PRKAR1B: variants seen among roughly 807,000 people sequenced by gnomAD.
The protein encoded by PRKAR1B is cAMP-dependent protein kinase type I-beta regulatory subunit.
Under a neutral mutation model 46.5 loss-of-function variants are expected in PRKAR1B, and 22 were observed. That is an observed-to-expected ratio of 0.47 (90% confidence interval 0.34 to 0.68). The LOEUF (loss-of-function observed/expected upper bound fraction) is 0.68, where lower values mean the gene tolerates loss of function less well. Among genes scored for constraint, PRKAR1B ranks in the 30% least tolerant of loss-of-function variants. The pLI is 0.01. For missense variants in PRKAR1B, 445 were observed against 535.6 expected, an observed-to-expected ratio of 0.83 and a Z score of 1.67; for synonymous variants, 259 against 217.7, an observed-to-expected ratio of 1.19 and a Z score of -1.67.
At chr7:614,848 G>A (rs1244619329) in intron 4 of PRKAR1B, among the ~76,000 whole-genome samples, 1 of 151,598 alleles carries the variant, frequency 6.6e-6, no homozygotes, top group Non-Finnish European at 1.5e-5. Flanking sequence ...GGAGGCGGAG[G>A]TTACCATGAG....
intron 8 of PRKAR1B, among the ~76,000 whole-genome samples, chr7:580,575 C>G (rs183922322): frequency 7.4e-4 from 113 of 152,156 alleles, no homozygotes; most frequent in African/African-American, 2.6e-3. Context: ...CTTCCCATGC[C>G]AAGTTTATCT....
intron 4 of PRKAR1B, among the ~76,000 whole-genome samples, chr7:622,253 G>A (rs1783146304): frequency 6.6e-6 from 1 of 152,210 alleles, no homozygotes; most frequent in Non-Finnish European, 1.5e-5. Context: ...TCAGACCCGA[G>A]CACCAGGTGC....
At position 656,964 on chromosome 7, in the gene PRKAR1B, AATGCATGGATGG is replaced by A. The variant is rs1394178788; in HGVS notation, c.440+20253_440+20264del. ...GAACGAATGAATGGATGCATGAGTG[AATGCATGGATGG>A]ACGGACGGATGGATGAATGGATGGA... On this transcript the variant is annotated intron_variant, in intron 4 of 10. Transcript: ENST00000537384. Among the ~76,000 whole-genome samples the A allele has an allele frequency of 3.5e-3, 533 of 152,020 alleles. 1 individual carries two copies. Among genetic ancestry groups the A allele is most frequent in the South Asian group, 0.017 (83 of 4,814 alleles).
At chr7:573,734 G>C (rs912062800) in intron 9 of PRKAR1B, among the ~76,000 whole-genome samples, 14 of 152,248 alleles carry the variant, frequency 9.2e-5, no homozygotes, top group African/African-American at 2.9e-4. Flanking sequence ...CAGAGGGTCA[G>C]AAAGCGGAAA....
chr7:551,854 C>T (rs1487140367), intron 9 of PRKAR1B, among the ~76,000 whole-genome samples: 16 of 136,036 alleles, frequency 1.2e-4, no homozygotes, highest in Non-Finnish European at 2.2e-4. Context: ...GCCACTGCCA[C>T]CACCATGTAA....
chr7:680,979 C>A (rs367560419), intron 2 of PRKAR1B, among the ~76,000 whole-genome samples: 1 of 150,336 alleles, frequency 6.7e-6, no homozygotes, highest in Non-Finnish European at 1.5e-5. Context: ...AATTGTAATC[C>A]CCATCATCCC....
At chr7:704,455 T>C (rs886441305) in intron 2 of PRKAR1B, among the ~76,000 whole-genome samples, 75 of 112,966 alleles carry the variant, frequency 6.6e-4, no homozygotes, top group African/African-American at 2.3e-3. Flanking sequence ...TGTAACAACT[T>C]AAATGAAACG....
At chr7:553,934 C>A (rs899033491) in intron 9 of PRKAR1B, among the ~76,000 whole-genome samples, 1 of 152,250 alleles carries the variant, frequency 6.6e-6, no homozygotes, top group Non-Finnish European at 1.5e-5. Context: ...ACAGACCGGG[C>A]GGCTGAGTGC....
At chr7:583,414 C>T (rs546546008) in intron 8 of PRKAR1B, among the ~76,000 whole-genome samples, 1 of 143,202 alleles carries the variant, frequency 7.0e-6, no homozygotes, top group Admixed American at 7.1e-5. Context: ...GTGTGCACAC[C>T]CACGCACACA....
At chr7:625,803 C>T (rs542185728) in intron 4 of PRKAR1B, among the ~76,000 whole-genome samples, 3 of 152,216 alleles carry the variant, frequency 2.0e-5, no homozygotes, top group African/African-American at 4.8e-5. Flanking sequence ...GTCAGGAGTT[C>T]GAGCCCAACC....
chr7:690,995 G>A (rs1406567646), intron 2 of PRKAR1B, among the ~76,000 whole-genome samples: 5 of 151,794 alleles, frequency 3.3e-5, no homozygotes, highest in African/African-American at 4.8e-5. Context: ...AATCCTACCC[G>A]AAGGGTCCCG....
intron 3 of PRKAR1B, 96 bp downstream of exon 3, chr7:680,460 G>A: frequency 4.1e-6 from 5 of 1,231,214 alleles, no homozygotes; most frequent in Middle Eastern, 5.6e-4. Flanking sequence ...AGACCCCCAG[G>A]AGGATGAGGG....
chr7:699,926 G>A (rs1157198178), intron 2 of PRKAR1B, among the ~76,000 whole-genome samples: 7 of 152,192 alleles, frequency 4.6e-5, no homozygotes, highest in South Asian at 2.1e-4. Flanking sequence ...CTCGAGGCCC[G>A]ATGGGAAGCA....
chr7:647,503 T>C (rs1784676771), intron 4 of PRKAR1B, among the ~76,000 whole-genome samples: 3 of 151,804 alleles, frequency 2.0e-5, no homozygotes, highest in African/African-American at 7.3e-5. Flanking sequence ...TCCAAAGAGT[T>C]TTCTTAAAAC....
intron 4 of PRKAR1B, among the ~76,000 whole-genome samples, chr7:670,734 C>T (rs1205027241): frequency 1.3e-5 from 2 of 151,760 alleles, no homozygotes; most frequent in Non-Finnish European, 1.5e-5. Flanking sequence ...GACTCAGGAC[C>T]GAGGACGGCC....
At chr7:637,922 G>A (rs1583338317) in intron 4 of PRKAR1B, among the ~76,000 whole-genome samples, 1 of 110,778 alleles carries the variant, frequency 9.0e-6, no homozygotes, top group South Asian at 3.9e-4. Context: ...AACCCTGCAT[G>A]GGGGGCAGCT....
chr7:607,400 T>C lies in PRKAR1B; in HGVS notation c.493A>G (p.Ile165Val), dbSNP rs1440738344. 1 of 1,613,712 alleles carries C rather than the reference T, an allele frequency of 6.2e-7. No homozygotes were observed. The highest frequency in any genetic ancestry group is 1.3e-5 in the African/African-American group (1 of 74,918). Reference sequence around the variant, plus strand: ...AGCAGGCAGAACGTACCTTGCTGTATAACAGTCTCCCCAGCGATGTGAGTG... The same window carrying C: ...AGCAGGCAGAACGTACCTTGCTGTACAACAGTCTCCCCAGCGATGTGAGTG... Reference protein sequence around the residue: ...PVTHIAGETVIQQGNEGDNFY... With the variant: ...PVTHIAGETVVQQGNEGDNFY... The change falls in exon 5 of 11, where the codon ATA becomes GTA. Residue 165 changes from isoleucine to valine, a missense_variant. This residue lies in a region of PRKAR1B where 94 missense variants were observed against 126.9 expected (regional missense o/e 0.74). Transcript: ENST00000537384.
intron 6 of PRKAR1B, among the ~76,000 whole-genome samples, chr7:596,749 C>A (rs1216843176): frequency 6.6e-6 from 1 of 152,244 alleles, no homozygotes. Flanking sequence ...GGGCTCTGCT[C>A]TGGGGACCTG....
At chr7:663,873 C>T (rs1365525545) in intron 4 of PRKAR1B, among the ~76,000 whole-genome samples, 1 of 152,290 alleles carries the variant, frequency 6.6e-6, no homozygotes, top group Non-Finnish European at 1.5e-5. Flanking sequence ...GGAGTGGCTT[C>T]CTCATTCTGC....
Sources: allele counts gnomAD v4.1 joint callset (sites outside exome capture counted in the v4.1 genomes callset), GRCh38; gene constraint gnomAD v4.1.1; regional missense constraint gnomAD v4.1.1; transcripts MANE v1.5; gene names NCBI Gene and HGNC (gene_info 2026-07-23, HGNC 2026-07-21).